The following AFAP1 variants were observed in gnomAD, a reference collection of about 807,000 sequenced individuals.
AFAP1 encodes the protein actin filament-associated protein 1.
A neutral mutation model predicts 93.9 loss-of-function variants in AFAP1; 75 were observed. The observed-to-expected ratio is 0.80, with a 90% CI of 0.66 to 0.97. AFAP1 has a LOEUF of 0.97. Among genes scored for constraint, AFAP1 ranks in the 50% least tolerant of loss-of-function variants. The pLI is 0.00. For synonymous variants in AFAP1, 517 were observed against 430.7 expected (o/e 1.20, Z -2.48); for missense variants, 1,201 against 1,050.8 (o/e 1.14, Z -1.98).
chr4:7,813,533 A>G (rs1241919622), intron 8 of AFAP1, among the ~76,000 whole-genome samples: 1 of 152,236 alleles, frequency 6.6e-6, no homozygotes, highest in East Asian at 1.9e-4. Flanking sequence ...GAGAAGAAAC[A>G]GCAAACCAGA....
chr4:7,811,860 G>A (rs535241632), intron 8 of AFAP1, among the ~76,000 whole-genome samples: 2 of 152,254 alleles, frequency 1.3e-5, no homozygotes, highest in South Asian at 4.2e-4. Context: ...ACGCAACACA[G>A]TCCCAGCATT....
chr4:7,930,903 A>C (rs1230007334), intron 1 of AFAP1, among the ~76,000 whole-genome samples: 5 of 152,178 alleles, frequency 3.3e-5, no homozygotes, highest in Non-Finnish European at 7.3e-5. Context: ...GGTGTGCAAC[A>C]CTACAACCGA....
intron 1 of AFAP1, among the ~76,000 whole-genome samples, chr4:7,878,177 G>C (rs575963939): frequency 6.6e-6 from 1 of 152,266 alleles, no homozygotes; most frequent in Admixed American, 6.5e-5. Flanking sequence ...ACACACTCTG[G>C]AGATTTTCCT....
intron 9 of AFAP1, among the ~76,000 whole-genome samples, chr4:7,807,178 A>G (rs1719590330): frequency 6.7e-6 from 1 of 148,968 alleles, no homozygotes; most frequent in Non-Finnish European, 1.5e-5. Flanking sequence ...AAGAATTTCT[A>G]TTTCCTCCAC....
intron 1 of AFAP1, among the ~76,000 whole-genome samples, chr4:7,929,614 G>A (rs1425988797): frequency 6.6e-6 from 1 of 152,118 alleles, no homozygotes; most frequent in Non-Finnish European, 1.5e-5. Flanking sequence ...CACTCCCACG[G>A]TATTCTATCT....
At position 7,760,515 on chromosome 4, in the gene AFAP1, G is replaced by C. The variant is rs1713629188; in HGVS notation, c.*3250C>G. 6.6e-6 allele frequency: 1 copy of C among 152,344 alleles called. No individual in the cohort carries two copies. Among genetic ancestry groups the C allele is most frequent in the African/African-American group, 2.4e-5 (1 of 41,476 alleles). The allele number at this position is 152,344 out of a possible 1,614,324, so 9.4% of individuals were successfully genotyped here. ...GCCGTGGACTCTGGAAGCCGAGGGA[G>C]AGAGCTACCAGCCTTGCAGACAGAT... On this transcript the variant is annotated 3_prime_UTR_variant, in exon 18 of 18. Transcript: ENST00000420658.
At chr4:7,823,506 C>T (rs1721156820) in intron 6 of AFAP1, among the ~76,000 whole-genome samples, 1 of 152,134 alleles carries the variant, frequency 6.6e-6, no homozygotes, top group South Asian at 2.1e-4. Flanking sequence ...CCACTCAGCC[C>T]TACCCTAACA....
At chr4:7,870,088 C>T (rs1196013682) in intron 2 of AFAP1, among the ~76,000 whole-genome samples, 1 of 152,324 alleles carries the variant, frequency 6.6e-6, no homozygotes, top group Middle Eastern at 3.4e-3. Context: ...CCGTCTCATT[C>T]AATCCTCACA....
At chr4:7,792,420 C>G (rs1195815848) in intron 11 of AFAP1, among the ~76,000 whole-genome samples, 1 of 152,110 alleles carries the variant, frequency 6.6e-6, no homozygotes, top group African/African-American at 2.4e-5. Flanking sequence ...GCAAGCTCAC[C>G]ACGGCAGATG....
At position 7,914,085 on chromosome 4, in the gene AFAP1, C is replaced by T. The variant is rs558060024; in HGVS notation, c.-3+25571G>A. On this transcript the variant is annotated intron_variant, in intron 1 of 17. Transcript: ENST00000420658. ...TTTTTTTTTTTTTGAGACAAAGTCA[C>T]ACTCTGTCGCCCAGGCTGGAGTGCA... Among the ~76,000 whole-genome samples the T allele has an allele frequency of 3.4e-4, 51 of 150,880 alleles. 1 individual carries two copies. The highest frequency in any genetic ancestry group is 1.3e-3 in the Admixed American group (20 of 15,148).
At chr4:7,839,067 G>A (rs1300404868) in intron 5 of AFAP1, among the ~76,000 whole-genome samples, 1 of 152,206 alleles carries the variant, frequency 6.6e-6, no homozygotes, top group African/African-American at 2.4e-5. Context: ...GGGCACGATG[G>A]CTCACGCCTG....
At chr4:7,879,823 G>A (rs879786291) in intron 1 of AFAP1, among the ~76,000 whole-genome samples, 6 of 150,344 alleles carry the variant, frequency 4.0e-5, no homozygotes, top group Non-Finnish European at 5.9e-5. Context: ...GCACCACGAC[G>A]CCCAACTAAT....
intron 1 of AFAP1, among the ~76,000 whole-genome samples, chr4:7,935,766 CCT>C (rs1231517818): frequency 6.6e-6 from 1 of 152,142 alleles, no homozygotes; most frequent in Non-Finnish European, 1.5e-5. Context: ...AATTAAGTTC[CCT>C]GTTTGGGACC....
Position 7,786,452 on chromosome 4 carries a change from C to T in AFAP1, c.1413-141G>A, listed in dbSNP as rs539690866. ...AGAGAAGAAATACTAGACAGAATCT[C>T]GGCAGAAATGAGATGATGCGCTGGA... On this transcript the variant is annotated intron_variant, in intron 11 of 17. Transcript: ENST00000420658. 12 of 707,318 alleles carry T rather than the reference C, an allele frequency of 1.7e-5. No individual in the cohort carries two copies. In the Middle Eastern group the frequency reaches 7.5e-4, roughly 44 times the overall value. The allele number at this position is 707,318 out of a possible 1,614,324, so 43.8% of individuals were successfully genotyped here. A position where few individuals can be genotyped will look rare whatever the true frequency, so the allele number is the denominator to read the frequency against.
At position 7,939,775 on chromosome 4, in the gene AFAP1, C is replaced by A. The variant is rs1407361035; in HGVS notation, c.-122G>T. 2 of 394,638 alleles carry A rather than the reference C, an allele frequency of 5.1e-6. No homozygotes were observed. The highest frequency in any genetic ancestry group is 9.9e-6 in the Non-Finnish European group (2 of 202,266). The allele number at this position is 394,638 out of a possible 1,614,324, so 24.4% of individuals were successfully genotyped here. On this transcript the variant is annotated 5_prime_UTR_variant, in exon 1 of 18. Transcript: ENST00000420658. This position sits in a 1 kb window ranked among gnomAD's most constrained non-coding sequence, Gnocchi z 5.6. ...CAATGGAGCCCCGGGGCGGGGCCGC[C>A]GCCGCCGCCTCAGCCCGTGTACCCC... is the stretch of plus-strand genomic sequence containing the variant.
chr4:7,934,516 C>A (rs935149766), intron 1 of AFAP1, among the ~76,000 whole-genome samples: 4 of 152,150 alleles, frequency 2.6e-5, no homozygotes, highest in African/African-American at 9.7e-5. Context: ...CTTCGAGGAC[C>A]AGGGCCGGGT....
At position 7,904,329 on chromosome 4, in the gene AFAP1, A is replaced by G. The variant is rs1719280387; in HGVS notation, c.-2-32249T>C. Among the ~76,000 whole-genome samples, 3 of 152,268 alleles carry G rather than the reference A, an allele frequency of 2.0e-5. No individual in the cohort carries two copies. In the South Asian group the frequency reaches 6.2e-4, roughly 32 times the overall value. ...GACAGACAGGTCCTTTGTTCTTTGA[A>G]TTAATACTGCCAATGCCCAAAATAC... On this transcript the variant is annotated intron_variant, in intron 1 of 17. Coordinates refer to ENST00000420658, the MANE Select transcript of AFAP1 (RefSeq NM_001134647.2).
intron 3 of AFAP1, among the ~76,000 whole-genome samples, chr4:7,864,165 C>CCATTCCCAACTTCCCAT (rs1716129855): frequency 8.9e-4 from 49 of 54,972 alleles, no homozygotes; most frequent in South Asian, 2.6e-3. Context: ...TCATCACAAC[C>CCATTCCCAACTTCCCAT]CACAGGTCCT....
chr4:7,816,045 T>C lies in AFAP1; in HGVS notation c.877A>G (p.Ile293Val). The change falls in exon 8 of 18, where the codon ATT becomes GTT. Residue 293 changes from isoleucine to valine, a missense_variant. By Grantham distance (29) the Ile-to-Val change is conservative. Transcript: ENST00000420658. ...TGCTCCTTTCCATTACATGTGGTAA[T>C]TCCATTTTCCACAACACCCTCCCCA... is the stretch of plus-strand genomic sequence containing the variant. ...SDGEGVVENG[I>V]TTCNGKEQVK... 6.2e-7 allele frequency: 1 copy of C among 1,613,116 alleles called. No homozygotes were observed. Among genetic ancestry groups the C allele is most frequent in the Middle Eastern group, 1.7e-4 (1 of 6,060 alleles).
Sources: gnomAD v4.1 joint callset for allele counts (sites outside exome capture counted in the v4.1 genomes callset) on GRCh38, gnomAD v4.1.1 for gene constraint, Gnocchi (gnomAD v3.1) non-coding constraint, MANE v1.5 for transcripts, NCBI Gene and HGNC (gene_info 2026-07-23, HGNC 2026-07-21) for gene names.